The following LTBP4 variants were observed in gnomAD, a reference collection of about 807,000 sequenced individuals.
LTBP4 encodes latent transforming growth factor beta binding protein 4, also known as latent-transforming growth factor beta-binding protein 4.
Under a neutral mutation model 180.2 loss-of-function variants are expected in LTBP4, and 93 were observed. The ratio of observed to expected loss-of-function variants is 0.52; its 90% CI spans 0.44 to 0.61. The LOEUF (loss-of-function observed/expected upper bound fraction) is 0.61. Among genes scored for constraint, LTBP4 ranks in the 20% least tolerant of loss-of-function variants. The pLI is 0.00. For missense variants in LTBP4, 2,116 were observed against 2,256.5 expected (o/e 0.94, Z 1.26); for synonymous variants, 947 against 934.5 (o/e 1.01, Z -0.24).
chr19:40,628,881 ACT>A (rs2081656590), intron 29 of LTBP4, among the ~76,000 whole-genome samples: 1 of 149,554 alleles, frequency 6.7e-6, no homozygotes, highest in Non-Finnish European at 1.5e-5. Flanking sequence ...ACAGAGACTC[ACT>A]CTGTCGCCCA....
rs1568415393 is a variant in LTBP4, at chr19:40,627,004, CGCCCCCCCGCATATA to C, written c.4023_4037del (p.Ala1342_Pro1346del). 1 of 1,586,886 alleles carries C rather than the reference CGCCCCCCCGCATATA, an allele frequency of 6.3e-7. No homozygotes were observed. Among genetic ancestry groups the C allele is most frequent in the South Asian group, 1.1e-5 (1 of 87,574 alleles). On this transcript the variant is annotated inframe_deletion, in exon 28 of 30. Transcript: ENST00000396819. ...CTTCGAGGCCCTGTGCAATGTGCTA[CGCCCCCCCGCATATA>C]GCCCCCCGCGACCAGGTGGCTTTGG...
intron 1 of LTBP4, chr19:40,594,509 G>A (rs1367820146): frequency 6.6e-6 from 1 of 152,174 alleles, no homozygotes; most frequent in Non-Finnish European, 1.5e-5. Context: ...CCGGACAGAA[G>A]GGAGAAATTT....
At chr19:40,595,351 C>T (rs1568398410) in intron 1 of LTBP4, among the ~76,000 whole-genome samples, 1 of 152,094 alleles carries the variant, frequency 6.6e-6, no homozygotes, top group African/African-American at 2.4e-5. Flanking sequence ...AGGCCCTAGG[C>T]TTCAGGGGTT....
intron 26 of LTBP4, 78 bp downstream of exon 26, chr19:40,624,160 C>T (rs2081608043): frequency 4.9e-6 from 7 of 1,429,124 alleles, no homozygotes; most frequent in South Asian, 4.3e-5. Context: ...ACCTTTGCGA[C>T]GGCCACGCCC....
At chr19:40,598,397 G>T (rs916102369), upstream of LTBP4, 26 of 144,476 alleles carry the variant, frequency 1.8e-4, no homozygotes, top group African/African-American at 6.0e-4. Context: ...CTCCTCTCGG[G>T]GTCTGGGCGC....
Position 40,617,367 on chromosome 19 carries a change from G to A in LTBP4, c.3070+142G>A, listed in dbSNP as rs544551651. ...GGAATATAAGATCATCTTCATGCCA[G>A]GCACGGTGGCTCACGCCTGTAATCC... On this transcript the variant is annotated intron_variant, in intron 21 of 29. Transcript: ENST00000396819. 5.9e-6 allele frequency: 7 copies of A among 1,195,258 alleles called. No homozygotes were observed. In the East Asian group the frequency reaches 1.3e-4, roughly 22 times the overall value. 74.0% of individuals were successfully genotyped at this position (1,195,258 alleles called of 1,614,324 possible). A position where few individuals can be genotyped will look rare whatever the true frequency, so the allele number is the denominator to read the frequency against.
chr19:40,610,366 C>A, intron 11 of LTBP4, 166 bp from the exon 12 acceptor site: 1 of 757,916 alleles, frequency 1.3e-6, no homozygotes, highest in Non-Finnish European at 2.1e-6. Context: ...CTGCCCTCCA[C>A]AATTGCCTCT....
In LTBP4 at chr19:40,613,687, G is replaced by C. The variant is rs964276403; in HGVS notation, c.2557+158G>C. 5.2e-5 allele frequency: 67 copies of C among 1,288,566 alleles called. No individual in the cohort carries two copies. In the Admixed American group the frequency reaches 1.3e-3, roughly 26 times the overall value. 79.8% of individuals were successfully genotyped at this position (1,288,566 alleles called of 1,614,324 possible). ...GGTGGGAGTCTCGAGGCAGTGAGGG[G>C]GGGCGGGGCGTGGAGATGAAAGGGC... On this transcript the variant is annotated intron_variant, in intron 17 of 29. Coordinates refer to ENST00000396819, the MANE Select transcript of LTBP4 (RefSeq NM_001042545.2). The surrounding 1 kb of genome is among the most constrained non-coding windows in gnomAD (Gnocchi z 5.0).
At chr19:40,614,488 G>C in intron 19 of LTBP4, 42 bp downstream of exon 19, 2 of 1,579,892 alleles carry the variant, frequency 1.3e-6, no homozygotes, top group Non-Finnish European at 1.7e-6. Context: ...CTTGCAACGC[G>C]GTGCTGGAGG....
intron 1 of LTBP4, among the ~76,000 whole-genome samples, chr19:40,604,333 T>G (rs113434119): frequency 1.3e-5 from 2 of 151,652 alleles, no homozygotes; most frequent in African/African-American, 2.4e-5. Context: ...TGGGCGGGCA[T>G]AGAATGCGAA....
chr19:40,597,790 C>T (rs1387667522), upstream of LTBP4, among the ~76,000 whole-genome samples: 1 of 151,940 alleles, frequency 6.6e-6, no homozygotes, highest in Non-Finnish European at 1.5e-5. Context: ...CTTTATGAGG[C>T]CGCTGAGTTG....
chr19:40,629,529 G>T lies in LTBP4; in HGVS notation c.4653G>T (p.Ala1551=), dbSNP rs527544230. ...FAPTHQPHHC[A]PARPRA is the part of the protein sequence containing the mutation. ...CCACGCACCAGCCGCACCACTGTGC[G>T]CCCGCACGGCCCCGGGCCTGAGCCC... Residue 1551 remains alanine, a synonymous_variant, in exon 30 of 30, where the codon GCG becomes GCT. Coordinates refer to ENST00000396819, the MANE Select transcript of LTBP4 (RefSeq NM_001042545.2). This position sits in a 1 kb window ranked among gnomAD's most constrained non-coding sequence, Gnocchi z 4.5. 30 of 1,560,988 alleles carry T rather than the reference G, an allele frequency of 1.9e-5. No individual in the cohort carries two copies. The South Asian group carries it at 3.4e-4, about 18-fold the overall frequency.
intron 1 of LTBP4, among the ~76,000 whole-genome samples, chr19:40,602,561 C>T (rs968244415): frequency 6.6e-6 from 1 of 152,120 alleles, no homozygotes; most frequent in African/African-American, 2.4e-5. Flanking sequence ...CGCCCGCTGC[C>T]ACTCCCTCTC....
rs1568414399 is a variant in LTBP4 at position 40,625,283 on chromosome 19, TATATATATATATA to T, written c.3833-573_3833-561del. Among the ~76,000 whole-genome samples the T allele has an allele frequency of 4.0e-3, 35 of 8,700 alleles. 3 individuals are homozygous for T. The highest frequency in any genetic ancestry group is 0.017 in the African/African-American group (13 of 756). The allele number at this position is 8,700 out of a possible 152,430, so 5.7% of individuals were successfully genotyped here. A position where few individuals can be genotyped will look rare whatever the true frequency, so the allele number is the denominator to read the frequency against. ...ATATATATATATATATATATATATATATATATATATATATATATATATATATATATATATTTTT... is the reference window on the plus strand; with the variant it reads ...ATATATATATATATATATATATATATTATATATATATATATATATATTTTT... On this transcript the variant is annotated intron_variant, in intron 26 of 29. Coordinates refer to ENST00000396819, the MANE Select transcript of LTBP4 (RefSeq NM_001042545.2).
chr19:40,618,058 T>TTC, intron 21 of LTBP4, among the ~76,000 whole-genome samples: 1 of 152,038 alleles, frequency 6.6e-6, no homozygotes, highest in Non-Finnish European at 1.5e-5. Flanking sequence ...TATTCTTCTC[T>TTC]TCTCTCTTTT....
chr19:40,600,852 C>T (rs1021061695), upstream of LTBP4, among the ~76,000 whole-genome samples: 1 of 152,118 alleles, frequency 6.6e-6, no homozygotes, highest in African/African-American at 2.4e-5. The surrounding 1 kb of genome is among the most constrained non-coding windows in gnomAD (Gnocchi z 4.4). Context: ...AGCCTCCTGC[C>T]CAGGATCTAG....
At chr19:40,599,689 CCTGT>C (rs1219527106), upstream of LTBP4, 18 of 812,264 alleles carry the variant, frequency 2.2e-5, no homozygotes, top group Non-Finnish European at 3.1e-5. Flanking sequence ...TTGCTATCAG[CCTGT>C]CTGTCCGTTT....
At chr19:40,599,658 C>A (rs981157848), upstream of LTBP4, 29 of 1,143,782 alleles carry the variant, frequency 2.5e-5, no homozygotes, top group East Asian at 3.8e-4. Flanking sequence ...TCTCTCCCCC[C>A]TCCCTCCCCG....
intron 1 of LTBP4, among the ~76,000 whole-genome samples, chr19:40,593,749 T>A (rs1170892179): frequency 6.6e-6 from 1 of 151,596 alleles, no homozygotes; most frequent in Non-Finnish European, 1.5e-5. Context: ...GTTGCTGAAA[T>A]GCTGGTCATT....
Sources: gnomAD v4.1 joint callset for allele counts (sites outside exome capture counted in the v4.1 genomes callset) on GRCh38, gnomAD v4.1.1 for gene constraint, Gnocchi (gnomAD v3.1) non-coding constraint, MANE v1.5 for transcripts, NCBI Gene and HGNC (gene_info 2026-07-23, HGNC 2026-07-21) for gene names.